Variants in CENPU observed in about 807,000 individuals in gnomAD.
The protein encoded by CENPU is centromere protein U, also known as KSHV latent nuclear antigen interacting protein 1.
CENPU carries 46 observed loss-of-function variants against 56.7 expected under a neutral mutation model. That is an observed-to-expected ratio of 0.81 (90% CI 0.64 to 1.04). The LOEUF (loss-of-function observed/expected upper bound fraction) is 1.04. Ranked by LOEUF, CENPU falls within the 50% of genes least tolerant of loss-of-function variation. The pLI is 0.00. For missense variants in CENPU, 510 were observed against 490.1 expected (o/e 1.04, Z -0.38); for synonymous variants, 166 against 163.0 (o/e 1.02, Z -0.14).
intron 6 of CENPU, among the ~76,000 whole-genome samples, chr4:184,715,955 C>T (rs2871415): frequency 0.19 from 26,921 of 145,096 alleles, 2,719 homozygotes; most frequent in African/African-American, 0.27. Context: ...TTTTTTAAGA[C>T]GGAGTCTTGC....
In CENPU at chr4:184,725,008, T is replaced by C. The variant is rs1177557228; in HGVS notation, c.269A>G (p.His90Arg). 1 of 1,613,458 alleles carries C rather than the reference T, an allele frequency of 6.2e-7. No homozygotes were observed. The highest frequency in any genetic ancestry group is 8.5e-7 in the Non-Finnish European group (1 of 1,179,696). Residue 90 changes from histidine to arginine, a missense_variant, in exon 4 of 13, where the codon CAT (histidine) becomes CGT (arginine). His to Arg is a conservative substitution (Grantham distance 29). Transcript: ENST00000281453. ...IYADEEEFSK[H>R]CGLSLSSTPP... The stretch of plus-strand genomic sequence containing the variant: ...AGTTGAAGAGAGAGACAGTCCACAA[T>C]GTTTGGAGAATTCTTCTTCATCAGC...
chr4:184,716,529 A>T lies in CENPU; in HGVS notation c.486T>A (p.His162Gln). 1 of 1,614,156 alleles carries T rather than the reference A, an allele frequency of 6.2e-7. No individual in the cohort carries two copies. Among genetic ancestry groups the T allele is most frequent in the Non-Finnish European group, 8.5e-7 (1 of 1,180,006 alleles). The stretch of plus-strand genomic sequence containing the variant: ...AAGACGCTGTGGTTCGAATAACCTC[A>T]TGACGTTGTGTACTTATTTTCTCTG... ...KSAEKISTQR[H>Q]EVIRTTASSE... is the part of the protein sequence containing the mutation. Residue 162 changes from histidine to glutamine, a missense_variant, in exon 6 of 13, where the codon CAT becomes CAA. Coordinates refer to ENST00000281453, the MANE Select transcript of CENPU (RefSeq NM_024629.4).
rs1760549579 is a variant in CENPU, at chr4:184,702,005, C to CT, written c.924+83dup. On this transcript the variant is annotated intron_variant, in intron 10 of 12. Coordinates refer to ENST00000281453, the MANE Select transcript of CENPU (RefSeq NM_024629.4). ...ATGAAATCTACTCACACTCTAAAGG[C>CT]TGTAAACCCAGAGTCAAGTCTTCGC... 9.4e-6 allele frequency: 8 copies of CT among 850,734 alleles called. 1 individual carries two copies. The highest frequency in any genetic ancestry group is 2.3e-4 in the Middle Eastern group (1 of 4,278). 52.7% of individuals were successfully genotyped at this position (850,734 alleles called of 1,614,324 possible).
At chr4:184,732,259 A>AG (rs398108451) in intron 1 of CENPU, among the ~76,000 whole-genome samples, 58 of 151,544 alleles carry the variant, frequency 3.8e-4, no homozygotes, top group Admixed American at 9.8e-4. Context: ...AAAAAAAAAA[A>AG]GTTAGAAAAC....
intron 8 of CENPU, among the ~76,000 whole-genome samples, chr4:184,706,780 A>T (rs1241796790): frequency 1.3e-5 from 2 of 152,244 alleles, no homozygotes; most frequent in East Asian, 3.8e-4. Flanking sequence ...TTGGTATGAC[A>T]AAAACACAAG....
At chr4:184,728,099 G>A (rs1025713718) in intron 3 of CENPU, among the ~76,000 whole-genome samples, 1 of 152,242 alleles carries the variant, frequency 6.6e-6, no homozygotes, top group East Asian at 1.9e-4. Flanking sequence ...AAAAACCAAT[G>A]ACATGTACAC....
In CENPU at chr4:184,710,043, T is replaced by A. The variant is rs369463277; in HGVS notation, c.797+29A>T. 3.1e-5 allele frequency: 42 copies of A among 1,341,460 alleles called. No homozygotes were observed. The African/African-American group carries it at 5.9e-4, about 19-fold the overall frequency. The allele number at this position is 1,341,460 out of a possible 1,614,324, so 83.1% of individuals were successfully genotyped here. A position where few individuals can be genotyped will look rare whatever the true frequency, so the allele number is the denominator to read the frequency against. ...GGTGCTTCAGGGGAAATTTATTAGG[T>A]AAATATAGCACATCATCAAAAGACT... On this transcript the variant is annotated intron_variant, in intron 8 of 12. Coordinates refer to ENST00000281453, the MANE Select transcript of CENPU (RefSeq NM_024629.4).
intron 8 of CENPU, among the ~76,000 whole-genome samples, chr4:184,709,480 C>T (rs1462871921): frequency 1.4e-5 from 2 of 138,986 alleles, no homozygotes; most frequent in Admixed American, 7.0e-5. Context: ...AGAGAGACTC[C>T]ATCTCAAAAA....
intron 4 of CENPU, among the ~76,000 whole-genome samples, chr4:184,722,213 C>A (rs1761304847): frequency 6.6e-6 from 1 of 152,004 alleles, no homozygotes. Context: ...ACACAACATA[C>A]CAAAACCTAT....
intron 6 of CENPU, among the ~76,000 whole-genome samples, chr4:184,716,031 C>A (rs547556809): frequency 7.9e-5 from 12 of 151,810 alleles, no homozygotes; most frequent in South Asian, 4.2e-4. Flanking sequence ...CTCCTGGGCT[C>A]AAGCAATTCT....
intron 1 of CENPU, among the ~76,000 whole-genome samples, chr4:184,732,933 C>T (rs1240872020): frequency 7.0e-6 from 1 of 143,812 alleles, no homozygotes. Context: ...ACCTGGGAGG[C>T]GGAGATTGCG....
intron 3 of CENPU, among the ~76,000 whole-genome samples, chr4:184,725,544 T>C (rs1761422419): frequency 6.6e-6 from 1 of 152,200 alleles, no homozygotes; most frequent in African/African-American, 2.4e-5. Context: ...GAAATAAAAA[T>C]ATAAATCGGA....
At chr4:184,725,992 G>C (rs1169983075) in intron 3 of CENPU, among the ~76,000 whole-genome samples, 1 of 152,136 alleles carries the variant, frequency 6.6e-6, no homozygotes, top group Non-Finnish European at 1.5e-5. Flanking sequence ...ACTGCTGTAA[G>C]GGGGCCTGGT....
intron 4 of CENPU, among the ~76,000 whole-genome samples, chr4:184,723,787 G>A (rs528444732): frequency 1.5e-4 from 21 of 143,422 alleles, no homozygotes; most frequent in African/African-American, 5.4e-4. Context: ...AGGTTACAGT[G>A]AGCCAAGATT....
At chr4:184,731,342 T>C (rs1761639064) in intron 1 of CENPU, among the ~76,000 whole-genome samples, 1 of 152,104 alleles carries the variant, frequency 6.6e-6, no homozygotes, top group African/African-American at 2.4e-5. Context: ...TCCTATAAGG[T>C]AGAAGTGAAT....
chr4:184,728,864 G>T (rs775292767), intron 3 of CENPU, 54 bp downstream of exon 3: 7 of 1,251,830 alleles, frequency 5.6e-6, no homozygotes, highest in Non-Finnish European at 6.9e-6. Context: ...ATTATATCTG[G>T]CCTAAATGTT....
Position 184,713,029 on chromosome 4 carries a change from G to A in CENPU, c.619-16C>T, listed in dbSNP as rs753191868. 5.5e-5 allele frequency: 77 copies of A among 1,399,104 alleles called. No homozygotes were observed. The highest frequency in any genetic ancestry group is 7.1e-5 in the Non-Finnish European group (72 of 1,015,226). The allele number at this position is 1,399,104 out of a possible 1,614,324, so 86.7% of individuals were successfully genotyped here. A position where few individuals can be genotyped will look rare whatever the true frequency, so the allele number is the denominator to read the frequency against. On this transcript the variant is annotated splice_polypyrimidine_tract_variant and intron_variant, in intron 6 of 12. Coordinates refer to ENST00000281453, the MANE Select transcript of CENPU (RefSeq NM_024629.4). ...TCTGAGTTTTCTACAAAAAAAAAAA[G>A]CATTAAGTTTTTAAGAAAAGTTTTC...
At chr4:184,719,025 C>T (rs750649211) in intron 4 of CENPU, among the ~76,000 whole-genome samples, 16 of 151,850 alleles carry the variant, frequency 1.1e-4, no homozygotes, top group Admixed American at 9.2e-4. Context: ...AAGAGAGGGC[C>T]GGAGAAGAGG....
In CENPU at chr4:184,734,059, C is replaced by A. The variant is rs1311831451; in HGVS notation, c.4G>T (p.Ala2Ser). M[A>S]PRGRRRPRPH... is the part of the protein sequence containing the mutation. ...CGCGGCCGCCGCCGCCCCCGCGGGG[C>A]CATGGTGCCGCTCTCCGCTCTCGAG... The change falls in exon 1 of 13, where the codon GCC becomes TCC. Residue 2 changes from alanine to serine, a missense_variant. By Grantham distance (99) the Ala-to-Ser change is moderately conservative (BLOSUM62 1). Coordinates refer to ENST00000281453, the MANE Select transcript of CENPU (RefSeq NM_024629.4). 1 of 1,561,460 alleles carries A rather than the reference C, an allele frequency of 6.4e-7. No individual in the cohort carries two copies. The highest frequency in any genetic ancestry group is 1.2e-5 in the South Asian group (1 of 85,630).
Sources: gnomAD v4.1 joint callset for allele counts (sites outside exome capture counted in the v4.1 genomes callset) on GRCh38, gnomAD v4.1.1 for gene constraint, MANE v1.5 for transcripts, NCBI Gene and HGNC (gene_info 2026-07-23, HGNC 2026-07-21) for gene names.